Variants in AFF1 observed in about 807,000 individuals in gnomAD.
AFF1 encodes AF4/FMR2 family member 1.
A neutral mutation model predicts 121.7 loss-of-function variants in AFF1; 48 were observed. That is an observed-to-expected ratio of 0.39 (90% CI 0.31 to 0.50). AFF1 has a LOEUF of 0.50. Ranked by LOEUF, AFF1 falls within the 20% of genes least tolerant of loss-of-function variation. AFF1 has a pLI of 0.76. For synonymous variants in AFF1, 613 were observed against 563.0 expected (o/e 1.09, Z -1.26); for missense variants, 1,523 against 1,511.7 (o/e 1.01, Z -0.12).
At chr4:87,102,856 G>A (rs1725560664) in intron 8 of AFF1, among the ~76,000 whole-genome samples, 1 of 152,204 alleles carries the variant, frequency 6.6e-6, no homozygotes, top group African/African-American at 2.4e-5. Context: ...CAGGTGTGCT[G>A]TAGTTCATCT....
At chr4:86,957,962 T>C (rs1721863950) in intron 2 of AFF1, among the ~76,000 whole-genome samples, 1 of 152,216 alleles carries the variant, frequency 6.6e-6, no homozygotes, top group Non-Finnish European at 1.5e-5. Context: ...TTCTTCATAC[T>C]TTATGTGCAT....
At chr4:87,082,589 T>G (rs1723284205) in intron 4 of AFF1, among the ~76,000 whole-genome samples, 1 of 152,202 alleles carries the variant, frequency 6.6e-6, no homozygotes. Context: ...GTTACGAGAC[T>G]GGCTAATTTT....
rs750160379 is a variant in AFF1, at chr4:87,114,981, C to T, written c.2148C>T (p.Ser716=). 20 of 1,613,556 alleles carry T rather than the reference C, an allele frequency of 1.2e-5. No individual in the cohort carries two copies. The Admixed American group carries it at 2.7e-4, about 22-fold the overall frequency. Residue 716 remains serine (S), a synonymous_variant, in exon 12 of 21, where the codon AGC becomes AGT. Transcript: ENST00000395146. ...EHFALVPLTE[S]QGPPHSGSGS... ...TTGCTCTTGTTCCCCTGACTGAGAGCCAGGGCCCACCCCACAGTGGCAGCG... is the reference window on the plus strand; with the variant it reads ...TTGCTCTTGTTCCCCTGACTGAGAGTCAGGGCCCACCCCACAGTGGCAGCG...
intron 5 of AFF1, among the ~76,000 whole-genome samples, chr4:87,085,823 C>G (rs1367538122): frequency 1.3e-5 from 2 of 151,420 alleles, no homozygotes; most frequent in African/African-American, 4.9e-5. Flanking sequence ...ACTGCAATCT[C>G]CACCTCCTGG....
chr4:86,954,626 G>A (rs1246416275), intron 2 of AFF1, among the ~76,000 whole-genome samples: 1 of 152,164 alleles, frequency 6.6e-6, no homozygotes, highest in African/African-American at 2.4e-5. Context: ...TGGGGTAAAG[G>A]CCTGAGGTGG....
In AFF1 at chr4:87,127,172, C is replaced by CCG. The variant is rs1560657584; in HGVS notation, c.2903+56_2903+57insGC. ...TGTTTTGTTTTGTTTTGCTTCCCCCCCCCACCAAGATAGAGTCTCACTCTG... is the reference window on the plus strand; with the variant it reads ...TGTTTTGTTTTGTTTTGCTTCCCCCCCGCCCACCAAGATAGAGTCTCACTCTG... On this transcript the variant is annotated intron_variant, in intron 15 of 20. Coordinates refer to ENST00000395146, the MANE Select transcript of AFF1 (RefSeq NM_001166693.3). 16 of 1,296,964 alleles carry CCG rather than the reference C, an allele frequency of 1.2e-5. 1 individual carries two copies. Among genetic ancestry groups the CCG allele is most frequent in the Non-Finnish European group, 1.1e-5 (10 of 919,388 alleles). The allele number at this position is 1,296,964 out of a possible 1,614,324, so 80.3% of individuals were successfully genotyped here.
chr4:87,066,387 CT>C (rs1721348191), intron 4 of AFF1, among the ~76,000 whole-genome samples: 1 of 152,078 alleles, frequency 6.6e-6, no homozygotes, highest in African/African-American at 2.4e-5. Flanking sequence ...AGTTTTGAGA[CT>C]AGCCTAGGCA....
At chr4:86,989,527 A>G (rs1217269721) in intron 2 of AFF1, among the ~76,000 whole-genome samples, 1 of 152,192 alleles carries the variant, frequency 6.6e-6, no homozygotes, top group African/African-American at 2.4e-5. Context: ...TCAGGAAACA[A>G]CATGCTGGAG....
chr4:87,034,421 C>G (rs1028110561), intron 2 of AFF1, among the ~76,000 whole-genome samples: 9 of 152,198 alleles, frequency 5.9e-5, no homozygotes, highest in Non-Finnish European at 2.9e-5. Flanking sequence ...TTAAAATTCT[C>G]TCTCTGGATC....
chr4:87,040,587 A>C, intron 2 of AFF1, among the ~76,000 whole-genome samples: 1 of 147,372 alleles, frequency 6.8e-6, no homozygotes, highest in African/African-American at 2.5e-5. Context: ...TTTAATTGAG[A>C]CAGACTTTGA....
intron 11 of AFF1, among the ~76,000 whole-genome samples, chr4:87,113,820 C>A (rs1726801195): frequency 6.6e-6 from 1 of 152,056 alleles, no homozygotes; most frequent in Non-Finnish European, 1.5e-5. Flanking sequence ...GAGCTATTAT[C>A]ATGCCACTGC....
At chr4:86,987,117 A>G (rs1724349201) in intron 2 of AFF1, among the ~76,000 whole-genome samples, 1 of 152,114 alleles carries the variant, frequency 6.6e-6, no homozygotes, top group Admixed American at 6.6e-5. Context: ...CTTCAAGCCT[A>G]TTTAAAACTG....
chr4:87,004,662 C>T (rs368850314), intron 2 of AFF1, among the ~76,000 whole-genome samples: 2 of 152,194 alleles, frequency 1.3e-5, no homozygotes, highest in African/African-American at 4.8e-5. Flanking sequence ...TTCCTTTGAG[C>T]GTCATGTCAG....
intron 2 of AFF1, among the ~76,000 whole-genome samples, chr4:87,041,545 A>C (rs1730152780): frequency 6.6e-6 from 1 of 152,196 alleles, no homozygotes. Flanking sequence ...CCTCTTAGCT[A>C]ATGCAAAGTA....
At chr4:87,036,718 A>G (rs1729598026) in intron 2 of AFF1, 3 of 458,618 alleles carry the variant, frequency 6.5e-6, no homozygotes, top group Admixed American at 4.7e-5. Context: ...AAGAGAAACA[A>G]AATGGGTTAT....
chr4:87,053,196 C>A (rs1007815127), intron 4 of AFF1, among the ~76,000 whole-genome samples: 2 of 152,224 alleles, frequency 1.3e-5, no homozygotes, highest in African/African-American at 4.8e-5. Flanking sequence ...CCAGATCAGT[C>A]TGGCTTTGAG....
At chr4:86,952,663 A>C (rs925354333) in intron 2 of AFF1, among the ~76,000 whole-genome samples, 8 of 150,844 alleles carry the variant, frequency 5.3e-5, no homozygotes, top group African/African-American at 1.9e-4. Context: ...TAAAGTAAAA[A>C]AAAACAAAAA....
chr4:87,006,971 C>G (rs965608943), intron 2 of AFF1: 4 of 1,050,222 alleles, frequency 3.8e-6, no homozygotes, highest in Non-Finnish European at 4.6e-6. Context: ...ACTCGGACAA[C>G]TTCAAGTGAG....
At chr4:86,997,316 G>C (rs1445673752) in intron 2 of AFF1, among the ~76,000 whole-genome samples, 6 of 152,158 alleles carry the variant, frequency 3.9e-5, no homozygotes, top group Non-Finnish European at 8.8e-5. Context: ...CCAGCAAGAA[G>C]GCTTTCACCA....
Sources: allele counts gnomAD v4.1 joint callset (sites outside exome capture counted in the v4.1 genomes callset), GRCh38; gene constraint gnomAD v4.1.1; transcripts MANE v1.5; gene names NCBI Gene and HGNC (gene_info 2026-07-23, HGNC 2026-07-21).